TRHDE: variants seen among roughly 807,000 people sequenced by gnomAD.
TRHDE encodes the protein thyrotropin-releasing hormone-degrading ectoenzyme.
A neutral mutation model predicts 125.7 loss-of-function variants in TRHDE; 72 were observed. That is an observed-to-expected ratio of 0.57 (90% CI 0.47 to 0.70). TRHDE has a LOEUF of 0.70. Ranked by LOEUF, TRHDE falls within the 30% of genes least tolerant of loss-of-function variation. The probability of loss-of-function intolerance (pLI) is 0.00; values close to 1 mark genes in which losing one functional copy is unlikely to be tolerated. For missense variants in TRHDE, 1,110 were observed against 1,327.1 expected (o/e 0.84, Z 2.54); for synonymous variants, 509 against 509.1 (o/e 1.00, Z 0.00).
chr12:72,481,322 TAA>T (rs769318710), intron 5 of TRHDE, among the ~76,000 whole-genome samples: 3 of 54,790 alleles, frequency 5.5e-5, no homozygotes, highest in Non-Finnish European at 9.7e-5. Context: ...AGTGATAGAA[TAA>T]AAAAAAAAAA....
intron 12 of TRHDE, among the ~76,000 whole-genome samples, chr12:72,606,199 A>G (rs1872435806): frequency 6.6e-6 from 1 of 152,160 alleles, no homozygotes; most frequent in South Asian, 2.1e-4. Context: ...CTGTACAGCA[A>G]CCCTGTCATT....
intron 5 of TRHDE, 38 bp from the exon 6 acceptor site, chr12:72,499,460 G>A: frequency 6.2e-7 from 1 of 1,603,400 alleles, no homozygotes; most frequent in Non-Finnish European, 8.5e-7. Flanking sequence ...GTCTAACTAT[G>A]AATCACCTAT....
rs572251917 is a variant in TRHDE at position 72,196,164 on chromosome 12, C to A, written n.279+90412C>A. Among the ~76,000 whole-genome samples, 166 of 152,170 alleles carry A rather than the reference C, an allele frequency of 1.1e-3. 4 individuals carry two copies. The South Asian group carries it at 0.019, about 18-fold the overall frequency. ...AGTTTGAAGTCATGTAATGTGATGCCTCTCACTTTGTTCTTTTTGCTTAGG... is the reference window on the plus strand; with the variant it reads ...AGTTTGAAGTCATGTAATGTGATGCATCTCACTTTGTTCTTTTTGCTTAGG... On this transcript the variant is annotated intron_variant and non_coding_transcript_variant, in intron 2 of 4. Coordinates refer to the TRHDE transcript ENST00000548156.
At chr12:72,114,582 G>A (rs1363315898) in intron 2 of TRHDE, among the ~76,000 whole-genome samples, 1 of 152,116 alleles carries the variant, frequency 6.6e-6, no homozygotes, top group African/African-American at 2.4e-5. Flanking sequence ...TGGAGGAGAA[G>A]GAAGAAGAGG....
intron 2 of TRHDE, among the ~76,000 whole-genome samples, chr12:72,235,597 C>T (rs1055091431): frequency 6.6e-6 from 1 of 152,112 alleles, no homozygotes; most frequent in Non-Finnish European, 1.5e-5. Flanking sequence ...CATGGTTTGG[C>T]CAATCTATGA....
intron 12 of TRHDE, 52 bp downstream of exon 12, chr12:72,575,594 C>A: frequency 2.1e-6 from 3 of 1,434,020 alleles, no homozygotes; most frequent in Non-Finnish European, 2.0e-6. Context: ...GCAAGACTTC[C>A]TGTATTAAAC....
chr12:72,660,607 A>G (rs2136116517), intron 18 of TRHDE, among the ~76,000 whole-genome samples: 1 of 152,298 alleles, frequency 6.6e-6, no homozygotes, highest in African/African-American at 2.4e-5. Context: ...TTCCTAGTTT[A>G]TGTTAGTAAT....
chr12:72,202,340 T>C (rs1474522790), intron 2 of TRHDE, among the ~76,000 whole-genome samples: 10 of 152,306 alleles, frequency 6.6e-5, no homozygotes, highest in African/African-American at 2.4e-4. Flanking sequence ...AGAAAGCACA[T>C]TACAGAGTTG....
chr12:72,473,574 T>C (rs1876750265), intron 5 of TRHDE, among the ~76,000 whole-genome samples: 1 of 152,112 alleles, frequency 6.6e-6, no homozygotes, highest in African/African-American at 2.4e-5. Context: ...AAAAAATACC[T>C]AAAAGATACG....
chr12:72,203,867 T>A (rs1877612646), intron 2 of TRHDE, among the ~76,000 whole-genome samples: 1 of 152,198 alleles, frequency 6.6e-6, no homozygotes, highest in Non-Finnish European at 1.5e-5. Flanking sequence ...CCCTTGTGTG[T>A]GTCAGGTCCT....
chr12:72,368,747 C>G (rs1009748900), intron 2 of TRHDE, among the ~76,000 whole-genome samples: 2 of 152,084 alleles, frequency 1.3e-5, no homozygotes, highest in Non-Finnish European at 2.9e-5. Context: ...CTTAAACAGT[C>G]TTTGATGTTC....
At chr12:72,585,049 C>A (rs554719150) in intron 12 of TRHDE, among the ~76,000 whole-genome samples, 1 of 152,188 alleles carries the variant, frequency 6.6e-6, no homozygotes, top group Non-Finnish European at 1.5e-5. Flanking sequence ...TAACTGACTA[C>A]TATTATCTGC....
At chr12:72,107,461 C>T (rs1203766219) in intron 2 of TRHDE, among the ~76,000 whole-genome samples, 2 of 152,040 alleles carry the variant, frequency 1.3e-5, no homozygotes, top group Non-Finnish European at 2.9e-5. Context: ...GTGAGAGATG[C>T]CTCTGGGGTT....
intron 12 of TRHDE, chr12:72,582,526 CAT>C (rs1871283036): frequency 3.0e-6 from 3 of 985,196 alleles, no homozygotes; most frequent in South Asian, 9.4e-5. Flanking sequence ...TCTTGCAAAA[CAT>C]ATGTTGATCA....
At chr12:72,341,866 C>T (rs1870101142) in intron 2 of TRHDE, among the ~76,000 whole-genome samples, 1 of 152,080 alleles carries the variant, frequency 6.6e-6, no homozygotes, top group South Asian at 2.1e-4. Context: ...CTAAAAGTAA[C>T]TTCTTCAAAA....
At chr12:72,657,128 CCA>C (rs3217400) in intron 18 of TRHDE, 120 bp downstream of exon 18, 13,596 of 582,056 alleles carry the variant, frequency 0.023, no homozygotes, top group Middle Eastern at 0.028. Context: ...CACACGCACA[CCA>C]CACACACACA....
chr12:72,625,984 G>A (rs1395647357), intron 15 of TRHDE, among the ~76,000 whole-genome samples: 1 of 151,988 alleles, frequency 6.6e-6, no homozygotes, highest in East Asian at 1.9e-4. Flanking sequence ...AGTGGTTTTT[G>A]AACCTGAACA....
intron 2 of TRHDE, among the ~76,000 whole-genome samples, chr12:72,175,197 T>C (rs562105455): frequency 6.6e-6 from 1 of 152,350 alleles, no homozygotes; most frequent in Admixed American, 6.5e-5. Flanking sequence ...AATTCTTTGC[T>C]TCTATGAGTT....
At chr12:72,514,906 C>A (rs1281015828) in intron 6 of TRHDE, among the ~76,000 whole-genome samples, 3 of 147,578 alleles carry the variant, frequency 2.0e-5, no homozygotes, top group Non-Finnish European at 3.0e-5. Context: ...TTTGTTCTTG[C>A]GATAGTTTAC....
Sources: gnomAD v4.1 joint callset for allele counts (sites outside exome capture counted in the v4.1 genomes callset) on GRCh38, gnomAD v4.1.1 for gene constraint, MANE v1.5 for transcripts, NCBI Gene and HGNC (gene_info 2026-07-23, HGNC 2026-07-21) for gene names.